FBXO11: variants seen among roughly 807,000 people sequenced by gnomAD.
FBXO11 encodes F-box protein 11, also known as F-box only protein 11.
Under a neutral mutation model 117.0 loss-of-function variants are expected in FBXO11, and 13 were observed. The ratio of observed to expected loss-of-function variants is 0.11; its 90% CI spans 0.07 to 0.18. The LOEUF is 0.18. Among genes scored for constraint, FBXO11 ranks in the 10% least tolerant of loss-of-function variants. FBXO11 has a pLI of 1.00. For synonymous variants in FBXO11, 490 were observed against 380.5 expected, an observed-to-expected ratio of 1.29 and a Z score of -3.35; for missense variants, 767 against 1,164.4, an observed-to-expected ratio of 0.66 and a Z score of 4.97.
intron 1 of FBXO11, among the ~76,000 whole-genome samples, chr2:47,849,240 A>T (rs1327618976): frequency 6.6e-6 from 1 of 152,248 alleles, no homozygotes; most frequent in East Asian, 1.9e-4. Flanking sequence ...ATATTTTATA[A>T]TAGAGATCCC....
chr2:47,851,990 T>A (rs1673899078), intron 1 of FBXO11, among the ~76,000 whole-genome samples: 1 of 106,116 alleles, frequency 9.4e-6, no homozygotes. Context: ...AAGCAACCAA[T>A]TTTTTTTTTT....
At chr2:47,900,745 CACGTATACACACACGTGTATATA>C (rs1678137784) in intron 1 of FBXO11, among the ~76,000 whole-genome samples, 1 of 110,486 alleles carries the variant, frequency 9.1e-6, no homozygotes, top group Non-Finnish European at 1.9e-5. Flanking sequence ...TATATATATA[CACGTATACACACACGTGTATATA>C]TATACACGTA....
At chr2:47,856,784 T>C (rs532711246) in intron 1 of FBXO11, among the ~76,000 whole-genome samples, 2 of 152,336 alleles carry the variant, frequency 1.3e-5, no homozygotes, top group South Asian at 2.1e-4. Context: ...AGGATAATTA[T>C]ATTATCAACT....
Position 47,838,877 on chromosome 2 carries a change from G to A in FBXO11, c.569C>T (p.Ala190Val). ...TACTTACCACAAAATTGGATCATTA[G>A]CAAGTTCACTGAAGCGTTTACATAC... ...ACVCKRFSEL[A>V]NDPILWKRLY... The change falls in exon 4 of 23, where the codon GCT becomes GTT. Residue 190 changes from alanine (A) to valine (V), a missense_variant. This residue lies in a region of FBXO11 where 355 missense variants were observed against 299.8 expected (regional missense o/e 1.18). Transcript: ENST00000403359. The A allele has an allele frequency of 6.2e-7, 1 of 1,613,624 alleles. No homozygotes were observed. Among genetic ancestry groups the A allele is most frequent in the Non-Finnish European group, 8.5e-7 (1 of 1,179,772 alleles).
rs558030341 is a variant in FBXO11 at position 47,884,832 on chromosome 2, T to C, written c.232+20657A>G. On this transcript the variant is annotated intron_variant, in intron 1 of 22. Coordinates refer to ENST00000403359, the MANE Select transcript of FBXO11 (RefSeq NM_001190274.2). The stretch of plus-strand genomic sequence containing the variant: ...GGATTCTAATCCTAAGGTTGCCAAT[T>C]ACTAACTCTTGTGAATTAAATTCAG... Among the ~76,000 whole-genome samples, 15 of 152,314 alleles carry C rather than the reference T, an allele frequency of 9.8e-5. No individual in the cohort carries two copies. The South Asian group carries it at 3.1e-3, about 32-fold the overall frequency.
At chr2:47,875,541 T>C (rs1019757298) in intron 1 of FBXO11, among the ~76,000 whole-genome samples, 1 of 151,642 alleles carries the variant, frequency 6.6e-6, no homozygotes, top group African/African-American at 2.4e-5. Flanking sequence ...TAAGTAATGA[T>C]AAAATTCCTA....
In FBXO11 at chr2:47,832,455, T is replaced by C. The variant is rs2104808070; in HGVS notation, c.1292A>G (p.Asn431Ser). 1 of 1,613,750 alleles carries C rather than the reference T, an allele frequency of 6.2e-7. No individual in the cohort carries two copies. Among genetic ancestry groups the C allele is most frequent in the Admixed American group, 1.7e-5 (1 of 59,952 alleles). ...GIYEDNEISN[N>S]ALAGIWVKNH... Reference sequence around the variant, plus strand: ...TTTAACCCAAATCCCAGCTAACGCATTATTGGAAATTTCATTATCCTCATA... The same window carrying C: ...TTTAACCCAAATCCCAGCTAACGCACTATTGGAAATTTCATTATCCTCATA... The change falls in exon 11 of 23, where the codon AAT (asparagine) becomes AGT (serine). Residue 431 changes from asparagine (N) to serine (S), a missense_variant. Physicochemically the swap from Asn to Ser is conservative, Grantham distance 46 (BLOSUM62 1). Around this residue, in one of 10 missense-constraint regions of FBXO11, gnomAD observed 33 missense variants for 66.1 expected, o/e 0.50. Transcript: ENST00000403359.
At chr2:47,815,057 C>T (rs1670914248) in intron 16 of FBXO11, among the ~76,000 whole-genome samples, 1 of 152,198 alleles carries the variant, frequency 6.6e-6, no homozygotes, top group Non-Finnish European at 1.5e-5. Flanking sequence ...GCAATTTCTA[C>T]CACGTCTGGA....
intron 7 of FBXO11, among the ~76,000 whole-genome samples, chr2:47,834,208 C>G (rs112953227): frequency 0.15 from 23,385 of 151,946 alleles, 1,946 homozygotes; most frequent in Non-Finnish European, 0.18. Flanking sequence ...AAATTAGCCA[C>G]GCATGGTGGT....
chr2:47,814,833 T>G (rs1368449656), intron 16 of FBXO11, among the ~76,000 whole-genome samples: 1 of 152,244 alleles, frequency 6.6e-6, no homozygotes, highest in Non-Finnish European at 1.5e-5. Flanking sequence ...CCAACCCTGC[T>G]ACTACTTTAT....
chr2:47,833,206 A>C, intron 7 of FBXO11, 136 bp from the exon 8 acceptor site: 1 of 619,808 alleles, frequency 1.6e-6, no homozygotes, highest in Non-Finnish European at 2.9e-6. Context: ...ACTATGTTTC[A>C]TCATCAGCCT....
chr2:47,905,387 G>C (rs1678701905), intron 1 of FBXO11, 102 bp downstream of exon 1: 1 of 1,065,872 alleles, frequency 9.4e-7, no homozygotes, highest in Non-Finnish European at 1.1e-6. Flanking sequence ...CCCACCCCCA[G>C]GGCGCGCAGG....
intron 21 of FBXO11, chr2:47,808,661 T>G (rs1572754891): frequency 2.4e-6 from 1 of 416,986 alleles, no homozygotes; most frequent in Non-Finnish European, 4.2e-6. Context: ...GGCAGTTCTT[T>G]CCACTTTAAA....
At chr2:47,883,572 C>T (rs1458712330) in intron 1 of FBXO11, 4 of 333,192 alleles carry the variant, frequency 1.2e-5, no homozygotes, top group African/African-American at 6.5e-5. Flanking sequence ...TCGTCTGGAT[C>T]GGCAAACACT....
chr2:47,877,690 T>C (rs1285146754), intron 1 of FBXO11, among the ~76,000 whole-genome samples: 1 of 152,144 alleles, frequency 6.6e-6, no homozygotes, highest in African/African-American at 2.4e-5. Flanking sequence ...TCGTTTCGTT[T>C]TGTTTTGTTT....
chr2:47,906,477 C>T lies in FBXO11; in HGVS notation c.-757G>A, dbSNP rs1047558001. Among the ~76,000 whole-genome samples, 18 of 151,834 alleles carry T rather than the reference C, an allele frequency of 1.2e-4. No individual in the cohort carries two copies. The highest frequency in any genetic ancestry group is 4.4e-4 in the African/African-American group (18 of 41,354). ...TCCGTGGCAGGAGGAGCCATTGACA[C>T]CGCCGGAGCCTCCACTCGCCCAGTC... On this transcript the variant is annotated 5_prime_UTR_variant, in exon 1 of 23. In the 5' UTR this introduces an upstream ATG that the reference lacks. Transcript: ENST00000403359.
At chr2:47,883,825 G>A in intron 1 of FBXO11, 1 of 214,778 alleles carries the variant, frequency 4.7e-6, no homozygotes, top group East Asian at 1.2e-4. Context: ...AGATGAATGT[G>A]GTGCTGCAGT....
intron 11 of FBXO11, among the ~76,000 whole-genome samples, chr2:47,830,008 C>A (rs747905619): frequency 7.2e-5 from 11 of 152,058 alleles, no homozygotes; most frequent in Admixed American, 7.2e-4. Context: ...AACAAAACCA[C>A]GGAGACATGG....
chr2:47,833,141 G>A, intron 7 of FBXO11, 71 bp from the exon 8 acceptor site: 2 of 998,068 alleles, frequency 2.0e-6, no homozygotes, highest in Non-Finnish European at 1.6e-6. Context: ...TATGGAGGGG[G>A]AACTTACTAA....
Sources: allele counts gnomAD v4.1 joint callset (sites outside exome capture counted in the v4.1 genomes callset), GRCh38; gene constraint gnomAD v4.1.1; regional missense constraint gnomAD v4.1.1; transcripts MANE v1.5; gene names NCBI Gene and HGNC (gene_info 2026-07-23, HGNC 2026-07-21).